The following ANO3 variants were observed in gnomAD, a reference collection of about 807,000 sequenced individuals.
ANO3 encodes anoctamin-3.
A neutral mutation model predicts 144.8 loss-of-function variants in ANO3; 99 were observed. The ratio of observed to expected loss-of-function variants is 0.68; its 90% CI spans 0.58 to 0.81. The LOEUF is 0.81. ANO3 is among the 30% of genes least tolerant of loss of function. The pLI is 0.00. For missense variants in ANO3, 905 were observed against 1,202.2 expected, an observed-to-expected ratio of 0.75 and a Z score of 3.66; for synonymous variants, 414 against 392.6, an observed-to-expected ratio of 1.05 and a Z score of -0.64.
At chr11:26,404,123 C>T (rs1461386) in intron 1 of ANO3, among the ~76,000 whole-genome samples, 145,014 of 151,910 alleles carry the variant, frequency 0.95, 69,374 homozygotes, top group East Asian at 1. Flanking sequence ...GGGATTGTGA[C>T]TGTATTGCTC....
intron 11 of ANO3, 131 bp downstream of exon 11, chr11:26,542,199 A>G (rs191595259): frequency 1.3e-4 from 131 of 991,178 alleles, no homozygotes; most frequent in Non-Finnish European, 1.7e-4. Context: ...AAGATTTTTC[A>G]GTAAAAGAAT....
intron 1 of ANO3, among the ~76,000 whole-genome samples, chr11:26,269,204 A>T (rs559212676): frequency 3.3e-5 from 5 of 152,296 alleles, no homozygotes; most frequent in African/African-American, 1.2e-4. Flanking sequence ...GCTTTTACAC[A>T]TAATCTGCAT....
At chr11:26,304,810 C>T (rs1175885205), upstream of ANO3, among the ~76,000 whole-genome samples, 1 of 151,812 alleles carries the variant, frequency 6.6e-6, no homozygotes, top group Non-Finnish European at 1.5e-5. Flanking sequence ...GCATGTATAC[C>T]GAAAAGAGAG....
In ANO3 at chr11:26,511,987, A is replaced by G. The variant is rs140298168; in HGVS notation, c.591+3725A>G. Among the ~76,000 whole-genome samples, 412 of 152,312 alleles carry G rather than the reference A, an allele frequency of 2.7e-3. 1 individual carries two copies. Among genetic ancestry groups the G allele is most frequent in the African/African-American group, 9.4e-3 (390 of 41,568 alleles). ...GTTAGTTTAAGACTTTTGATCATTA[A>G]CTTAAGAAAAATTGGAAGTTATTAA... On this transcript the variant is annotated intron_variant, in intron 5 of 26. Coordinates refer to ENST00000256737, the MANE Select transcript of ANO3 (RefSeq NM_031418.4).
rs1429704062 is a variant in ANO3, at chr11:26,393,027, T to C, written c.47-48891T>C. 5.3e-5 allele frequency among the ~76,000 whole-genome samples: 8 copies of C among 152,188 alleles called. No homozygotes were observed. The South Asian group carries it at 1.4e-3, about 28-fold the overall frequency. ...TCTTGAGAATCATAATAGGCAGTGA[T>C]ACTAGTTCTGCTGTTAATATGCAGA... On this transcript the variant is annotated intron_variant, in intron 1 of 26. Transcript: ENST00000256737.
intron 14 of ANO3, among the ~76,000 whole-genome samples, chr11:26,581,157 T>A (rs1215069234): frequency 6.6e-6 from 1 of 152,216 alleles, no homozygotes; most frequent in Non-Finnish European, 1.5e-5. Context: ...TCGGTTTGTT[T>A]ATATAATGAG....
intron 1 of ANO3, among the ~76,000 whole-genome samples, chr11:26,387,537 G>A (rs1856767878): frequency 6.6e-6 from 1 of 151,844 alleles, no homozygotes; most frequent in Middle Eastern, 3.4e-3. Flanking sequence ...ATGAATTTTT[G>A]TTGCCTGTTC....
At position 26,570,390 on chromosome 11, in the gene ANO3, G is replaced by A. The variant is rs1429861967; in HGVS notation, c.1447+10611G>A. Among the ~76,000 whole-genome samples the A allele has an allele frequency of 3.3e-5, 5 of 152,166 alleles. No homozygotes were observed. In the East Asian group the frequency reaches 9.7e-4, roughly 29 times the overall value. On this transcript the variant is annotated intron_variant, in intron 14 of 26. Transcript: ENST00000256737. Reference sequence around the variant, plus strand: ...TCCATATTTTTGCTTCCTTTTAAATGCATAAAGTCATTATTCTGTCCAGGC... The same window carrying A: ...TCCATATTTTTGCTTCCTTTTAAATACATAAAGTCATTATTCTGTCCAGGC...
chr11:26,622,443 A>G (rs79305174), intron 17 of ANO3, among the ~76,000 whole-genome samples: 1 of 150,354 alleles, frequency 6.7e-6, no homozygotes, highest in African/African-American at 2.4e-5. Flanking sequence ...AAAAAAAAAA[A>G]GAAAAGAAAA....
At chr11:26,604,614 G>A (rs1006025213) in intron 17 of ANO3, among the ~76,000 whole-genome samples, 12 of 152,034 alleles carry the variant, frequency 7.9e-5, no homozygotes, top group African/African-American at 2.7e-4. Flanking sequence ...AGTTCTCCTT[G>A]AAGAGTTCTT....
At chr11:26,566,916 C>T in intron 14 of ANO3, 1 of 687,060 alleles carries the variant, frequency 1.5e-6, no homozygotes, top group East Asian at 3.4e-5. Context: ...ACTTAGGTAG[C>T]AGCACTCTAA....
intron 14 of ANO3, among the ~76,000 whole-genome samples, chr11:26,567,567 T>G (rs1399115835): frequency 2.0e-5 from 3 of 152,024 alleles, no homozygotes; most frequent in Admixed American, 6.6e-5. Context: ...ATCTATAATA[T>G]ATGTTAGTTA....
chr11:26,535,379 C>T (rs1382510532), intron 9 of ANO3, among the ~76,000 whole-genome samples: 1 of 151,894 alleles, frequency 6.6e-6, no homozygotes, highest in Non-Finnish European at 1.5e-5. Flanking sequence ...GAGCAGAAAG[C>T]AATAGGTAAC....
intron 21 of ANO3, among the ~76,000 whole-genome samples, chr11:26,641,338 G>A (rs1257395139): frequency 1.3e-5 from 2 of 152,126 alleles, no homozygotes; most frequent in African/African-American, 4.8e-5. Flanking sequence ...AAATCACACG[G>A]CTAATGCATT....
intron 17 of ANO3, among the ~76,000 whole-genome samples, chr11:26,620,280 C>T (rs1026095494): frequency 2.6e-5 from 4 of 152,050 alleles, no homozygotes; most frequent in Admixed American, 1.3e-4. Flanking sequence ...CTAATTTTGT[C>T]ATATTACAGC....
chr11:26,460,258 A>G (rs1201656789), intron 3 of ANO3: 2 of 296,940 alleles, frequency 6.7e-6, no homozygotes, highest in African/African-American at 4.5e-5. Flanking sequence ...GCATTTATTG[A>G]AAAATTTTCT....
chr11:26,397,045 A>T (rs1218511315), intron 1 of ANO3, among the ~76,000 whole-genome samples: 1 of 141,938 alleles, frequency 7.0e-6, no homozygotes, highest in African/African-American at 2.5e-5. Context: ...CCCTGCAGCC[A>T]GAAGGCTGTG....
In ANO3 at chr11:26,378,419, T is replaced by TTTTC. The variant is rs764878150; in HGVS notation, c.46+46099_46+46100insTTCT. Among the ~76,000 whole-genome samples the TTTTC allele has an allele frequency of 2.1e-5, 3 of 144,768 alleles. No individual in the cohort carries two copies. In the East Asian group the frequency reaches 6.0e-4, roughly 29 times the overall value. The allele number at this position is 144,768 out of a possible 152,430, so 95.0% of individuals were successfully genotyped here. A position where few individuals can be genotyped will look rare whatever the true frequency, so the allele number is the denominator to read the frequency against. On this transcript the variant is annotated intron_variant, in intron 1 of 26. Coordinates refer to ENST00000256737, the MANE Select transcript of ANO3 (RefSeq NM_031418.4). Reference sequence around the variant, plus strand: ...TATATTATCTATCTATATATATTATTTATCTATCTATCTATCATCTATCTA... The same window carrying TTTTC: ...TATATTATCTATCTATATATATTATTTTTCTATCTATCTATCTATCATCTATCTA...
chr11:26,201,762 GT>G (rs1255392086), intron 1 of ANO3, among the ~76,000 whole-genome samples: 4,633 of 128,570 alleles, frequency 0.036, 205 homozygotes, highest in African/African-American at 0.11. Context: ...AGGAAGTTTT[GT>G]TTTTTTTTTT....
Sources: allele counts gnomAD v4.1 joint callset (sites outside exome capture counted in the v4.1 genomes callset), GRCh38; gene constraint gnomAD v4.1.1; transcripts MANE v1.5; gene names NCBI Gene and HGNC (gene_info 2026-07-23, HGNC 2026-07-21).